The following RTN4 variants were observed in gnomAD, a reference collection of about 807,000 sequenced individuals.
RTN4 encodes the protein reticulon 4.
In RTN4, 32 loss-of-function variants were observed where a neutral mutation model predicts 90.4. That is an observed-to-expected ratio of 0.35 (90% CI 0.27 to 0.48). RTN4 has a LOEUF of 0.48. RTN4 is among the 20% of genes least tolerant of loss of function. RTN4 has a pLI of 0.99. For missense variants in RTN4, 1,706 were observed against 1,430.2 expected (o/e 1.19, Z -3.11); for synonymous variants, 629 against 552.5 (o/e 1.14, Z -1.94).
chr2:55,066,185 G>GTT (rs1166147558), intron 2 of RTN4, among the ~76,000 whole-genome samples: 1 of 100,488 alleles, frequency 1.0e-5, no homozygotes, highest in African/African-American at 3.7e-5. Flanking sequence ...GTGTGTGTGT[G>GTT]TGTGTGTTTG....
chr2:54,987,669 T>C lies in RTN4; in HGVS notation c.3043A>G (p.Lys1015Glu). The change falls in exon 4 of 9, where the codon AAG (lysine) becomes GAG (glutamate). Residue 1015 changes from lysine (K) to glutamate (E), a missense_variant. Coordinates refer to ENST00000337526, the MANE Select transcript of RTN4 (RefSeq NM_020532.5). ...GCACCAAACACCACTCCAGTCTTCT[T>C]AATGTCTCTCCAGTACAGGAGGTCA... ...VVDLLYWRDI[K>E]KTGVVFGASL... 1 of 1,614,070 alleles carries C rather than the reference T, an allele frequency of 6.2e-7. No individual in the cohort carries two copies. Among genetic ancestry groups the C allele is most frequent in the Non-Finnish European group, 8.5e-7 (1 of 1,179,924 alleles).
Position 55,049,772 on chromosome 2 carries a change from T to G in RTN4, c.529A>C (p.Lys177Gln), listed in dbSNP as rs1667993183. The G allele has an allele frequency of 2.3e-6, 3 of 1,291,314 alleles. No individual in the cohort carries two copies. The highest frequency in any genetic ancestry group is 2.0e-6 in the Non-Finnish European group (2 of 1,021,160). 80.0% of individuals were successfully genotyped at this position (1,291,314 alleles called of 1,614,324 possible). A position where few individuals can be genotyped will look rare whatever the true frequency, so the allele number is the denominator to read the frequency against. Reference sequence around the variant, plus strand: ...ACTGAGCCCGAGGAGCCCCTGCGCTTGGGCGCGGCCGGGGTGGAGGGGGGC... The same window carrying G: ...ACTGAGCCCGAGGAGCCCCTGCGCTGGGGCGCGGCCGGGGTGGAGGGGGGC... ...AAPPSTPAAP[K>Q]RRGSSGSVDE... The change falls in exon 1 of 9, where the codon AAG (lysine) becomes CAG (glutamine). Residue 177 changes from lysine to glutamine, a missense_variant. Transcript: ENST00000337526.
At chr2:54,987,744 A>G (rs201353764) in intron 3 of RTN4, 46 bp from the exon 4 acceptor site, 2 of 1,489,862 alleles carry the variant, frequency 1.3e-6, no homozygotes, top group East Asian at 2.4e-5. Flanking sequence ...TATTTTATCA[A>G]TTTGGATTTG....
At chr2:55,130,374 G>A in the RTN4 span, among the ~76,000 whole-genome samples, 10 of 151,912 alleles carry the variant, frequency 6.6e-5, no homozygotes, top group Non-Finnish European at 1.3e-4. Flanking sequence ...ATACTAAGAT[G>A]GCCAAAAAAA....
At chr2:54,989,088 A>T (rs1173424052) in intron 3 of RTN4, among the ~76,000 whole-genome samples, 1 of 152,156 alleles carries the variant, frequency 6.6e-6, no homozygotes, top group Non-Finnish European at 1.5e-5. Flanking sequence ...GATGTATGTA[A>T]CTTTCCTTTG....
chr2:55,052,128 A>G (rs1469013029), upstream of RTN4, among the ~76,000 whole-genome samples: 1 of 152,206 alleles, frequency 6.6e-6, no homozygotes, highest in Admixed American at 6.5e-5. Context: ...TTATCCTGTA[A>G]TGGTGGATAC....
the RTN4 span, among the ~76,000 whole-genome samples, chr2:55,126,385 A>G: frequency 8.5e-5 from 13 of 152,184 alleles, no homozygotes; most frequent in African/African-American, 3.1e-4. Flanking sequence ...GAAAAAAAAA[A>G]AAGAAGACAT....
At chr2:55,047,937 G>A (rs1667854495) in intron 1 of RTN4, among the ~76,000 whole-genome samples, 1 of 151,842 alleles carries the variant, frequency 6.6e-6, no homozygotes, top group Non-Finnish European at 1.5e-5. Flanking sequence ...CGCTGAACAG[G>A]GGGAACAGGA....
chr2:54,993,530 C>A (rs951192601), intron 3 of RTN4, among the ~76,000 whole-genome samples: 7 of 152,178 alleles, frequency 4.6e-5, no homozygotes, highest in African/African-American at 1.7e-4. Flanking sequence ...TGATAGTAAG[C>A]CCTAACCTAC....
chr2:55,132,047 T>C, the RTN4 span, among the ~76,000 whole-genome samples: 9 of 152,180 alleles, frequency 5.9e-5, no homozygotes, highest in African/African-American at 1.9e-4. Flanking sequence ...GGGGGAATGA[T>C]GTGACACCAG....
chr2:55,115,524 A>G (rs569003587), upstream of RTN4, among the ~76,000 whole-genome samples: 1 of 152,346 alleles, frequency 6.6e-6, no homozygotes, highest in East Asian at 1.9e-4. Context: ...ACCACACTGT[A>G]GAAGATTTCT....
intron 3 of RTN4, among the ~76,000 whole-genome samples, chr2:54,996,450 T>C (rs1040626417): frequency 2.0e-5 from 3 of 152,122 alleles, no homozygotes; most frequent in Non-Finnish European, 4.4e-5. Flanking sequence ...TAAAAAGATA[T>C]AGTAATCAAG....
At chr2:55,066,195 G>GTGTGTGTT (rs1668390279) in intron 2 of RTN4, among the ~76,000 whole-genome samples, 1 of 62,482 alleles carries the variant, frequency 1.6e-5, no homozygotes, top group African/African-American at 5.1e-5. Context: ...GTGTGTGTTT[G>GTGTGTGTT]TGTGTGTGTG....
At chr2:55,009,991 T>C (rs1680513566) in intron 3 of RTN4, 2 of 1,424,940 alleles carry the variant, frequency 1.4e-6, no homozygotes, top group Non-Finnish European at 1.9e-6. Flanking sequence ...GAGGTTTCAC[T>C]TTCAATCCAA....
At chr2:54,974,856 TACAAAAGGCATACA>T in intron 5 of RTN4, 92 bp from the exon 6 acceptor site, 1 of 988,886 alleles carries the variant, frequency 1.0e-6, no homozygotes, top group Non-Finnish European at 1.6e-6. Context: ...AATGCCTACC[TACAAAAGGCATACA>T]ACTTGAAGAC....
At position 54,972,622 on chromosome 2, in the gene RTN4, C is replaced by CTTTTACTG; in HGVS notation, c.*533_*534insCAGTAAAA. 6.6e-6 allele frequency: 1 copy of CTTTTACTG among 152,596 alleles called. No individual in the cohort carries two copies. Among genetic ancestry groups the CTTTTACTG allele is most frequent in the Middle Eastern group, 3.2e-3 (1 of 316 alleles). 9.5% of individuals were successfully genotyped at this position (152,596 alleles called of 1,614,324 possible). ...ACTATACATATATAATCTATATTTA[C>CTTTTACTG]TTATATTGGCAATTAATATAACAGT... On this transcript the variant is annotated 3_prime_UTR_variant, in exon 9 of 9. Transcript: ENST00000337526.
the RTN4 span, among the ~76,000 whole-genome samples, chr2:55,129,654 C>T: frequency 6.6e-6 from 1 of 151,976 alleles, no homozygotes; most frequent in Non-Finnish European, 1.5e-5. Context: ...CTCCACCTCC[C>T]GGGCTCAAGC....
At chr2:54,974,086 T>TC in intron 6 of RTN4, 1 of 478,786 alleles carries the variant, frequency 2.1e-6, no homozygotes, top group Non-Finnish European at 3.7e-6. Context: ...AGGAACCATT[T>TC]CTAGCTTCAA....
chr2:55,035,097 T>C (rs1436385225), intron 1 of RTN4, among the ~76,000 whole-genome samples: 1 of 151,962 alleles, frequency 6.6e-6, no homozygotes, highest in Non-Finnish European at 1.5e-5. Context: ...AAAAAGCAGA[T>C]GGGACAAAGA....
Sources: gnomAD v4.1 joint callset for allele counts (sites outside exome capture counted in the v4.1 genomes callset) on GRCh38, gnomAD v4.1.1 for gene constraint, MANE v1.5 for transcripts, NCBI Gene and HGNC (gene_info 2026-07-23, HGNC 2026-07-21) for gene names.